Variants in SOS2 observed in about 807,000 individuals in gnomAD.
SOS2 encodes SOS Ras/Rho guanine nucleotide exchange factor 2.
In SOS2, 65 loss-of-function variants were observed where a neutral mutation model predicts 148.2. That is an observed-to-expected ratio of 0.44 (90% confidence interval 0.36 to 0.54). The LOEUF (loss-of-function observed/expected upper bound fraction) is 0.54. SOS2 is among the 20% of genes least tolerant of loss of function. SOS2 has a pLI of 0.00. For synonymous variants in SOS2, 539 were observed against 537.1 expected (o/e 1.00, Z -0.05); for missense variants, 1,341 against 1,590.2 (o/e 0.84, Z 2.67).
intron 4 of SOS2, among the ~76,000 whole-genome samples, chr14:50,197,410 C>T (rs952634450): frequency 6.6e-6 from 1 of 152,122 alleles, no homozygotes; most frequent in African/African-American, 2.4e-5. Context: ...TGCCTGTGTG[C>T]CATCTGAGAA....
At chr14:50,190,842 CTTTAAA>C (rs1886108194) in intron 4 of SOS2, among the ~76,000 whole-genome samples, 1 of 152,160 alleles carries the variant, frequency 6.6e-6, no homozygotes, top group African/African-American at 2.4e-5. Flanking sequence ...TTCCCAGCCA[CTTTAAA>C]TTTAAAGAAA....
chr14:50,159,366 G>A, intron 10 of SOS2, 65 bp downstream of exon 10: 4 of 1,025,510 alleles, frequency 3.9e-6, no homozygotes, highest in Non-Finnish European at 5.6e-6. Flanking sequence ...AAATATTTTT[G>A]AGCATCCTTA....
intron 8 of SOS2, among the ~76,000 whole-genome samples, chr14:50,162,314 T>C (rs1667930196): frequency 6.6e-6 from 1 of 151,918 alleles, no homozygotes; most frequent in Admixed American, 6.6e-5. Context: ...TTTTTTATTT[T>C]TATTTTTTGT....
chr14:50,229,326 A>G (rs1887467948), intron 1 of SOS2, among the ~76,000 whole-genome samples: 1 of 152,170 alleles, frequency 6.6e-6, no homozygotes, highest in Admixed American at 6.5e-5. Flanking sequence ...ACCTCAAAAG[A>G]CCAAATTTTC....
At chr14:50,125,951 TAAACATTCTTAGAG>T (rs1343345635) in intron 21 of SOS2, among the ~76,000 whole-genome samples, 1 of 152,226 alleles carries the variant, frequency 6.6e-6, no homozygotes, top group Non-Finnish European at 1.5e-5. Flanking sequence ...TTAGAGAAAC[TAAACATTCTTAGAG>T]AAAATGCCTA....
chr14:50,231,002 C>T, intron 1 of SOS2, 195 bp downstream of exon 1: 1 of 759,290 alleles, frequency 1.3e-6, no homozygotes, highest in Non-Finnish European at 1.7e-6. Flanking sequence ...ACCTTCCTTC[C>T]GGGACCAGGC....
chr14:50,193,297 C>T (rs545017114), intron 4 of SOS2, among the ~76,000 whole-genome samples: 61 of 152,220 alleles, frequency 4.0e-4, no homozygotes, highest in African/African-American at 1.4e-3. Context: ...CTGCCTCAAC[C>T]TCCAAAAGTG....
intron 1 of SOS2, 90 bp downstream of exon 1, chr14:50,231,107 C>A: frequency 1.3e-6 from 1 of 771,856 alleles, no homozygotes; most frequent in South Asian, 4.9e-5. Flanking sequence ...GCCCCGGGGA[C>A]TCGAGCCCTG....
intron 1 of SOS2, among the ~76,000 whole-genome samples, chr14:50,205,616 C>T (rs1886633778): frequency 6.6e-6 from 1 of 152,124 alleles, no homozygotes; most frequent in Admixed American, 6.6e-5. Flanking sequence ...CTAAGAGATC[C>T]ATGCCTGAAC....
At position 50,214,493 on chromosome 14, in the gene SOS2, A is replaced by T. The variant is rs544269509; in HGVS notation, c.88-10084T>A. Among the ~76,000 whole-genome samples the T allele has an allele frequency of 4.6e-5, 7 of 152,234 alleles. No homozygotes were observed. In the East Asian group the frequency reaches 9.7e-4, roughly 21 times the overall value. ...TTAGCCATACATTTCTAATAGATCA[A>T]TCGACTTTTAAAAGACATTTTTAAA... On this transcript the variant is annotated intron_variant, in intron 1 of 22. Transcript: ENST00000216373.
chr14:50,190,546 A>G (rs1886096666), intron 4 of SOS2, among the ~76,000 whole-genome samples: 2 of 152,320 alleles, frequency 1.3e-5, no homozygotes, highest in South Asian at 2.1e-4. Flanking sequence ...AACAATCACC[A>G]TCTCTTAAAA....
chr14:50,168,616 T>C (rs1885243994), intron 8 of SOS2, among the ~76,000 whole-genome samples: 1 of 152,246 alleles, frequency 6.6e-6, no homozygotes, highest in African/African-American at 2.4e-5. Context: ...TTATGTATTC[T>C]GGATAAGAAT....
chr14:50,149,892 C>A, intron 14 of SOS2, 116 bp downstream of exon 14: 1 of 745,114 alleles, frequency 1.3e-6, no homozygotes, highest in Non-Finnish European at 2.3e-6. Flanking sequence ...CCTCTAAGCC[C>A]ATGAGAGTAG....
intron 4 of SOS2, 49 bp from the exon 5 acceptor site, chr14:50,188,749 TA>T: frequency 7.8e-7 from 1 of 1,281,524 alleles, no homozygotes; most frequent in Non-Finnish European, 1.1e-6. Flanking sequence ...TTTACTTTTA[TA>T]AAAACTGCCT....
At position 50,145,571 on chromosome 14, in the gene SOS2, C is replaced by T; in HGVS notation, c.2410G>A (p.Gly804Arg). Reference protein sequence around the residue: ...YRKVQPSELVGSVWTKEDKEI... With the variant: ...YRKVQPSELVRSVWTKEDKEI... ...TTATCTTCTTTGGTCCACACACTCC[C>T]TACAAGTTCAGACGGTTGAACTTTC... The change falls in exon 15 of 23, where the codon GGG becomes AGG. Residue 804 changes from glycine to arginine, a missense_variant. Gly to Arg is a moderately radical substitution (Grantham distance 125, BLOSUM62 -2). This residue lies in a region of SOS2 where 408 missense variants were observed against 506.6 expected (regional missense o/e 0.81). Transcript: ENST00000216373. 6.2e-7 allele frequency: 1 copy of T among 1,606,012 alleles called. No individual in the cohort carries two copies. Among genetic ancestry groups the T allele is most frequent in the African/African-American group, 1.3e-5 (1 of 74,610 alleles).
At chr14:50,229,446 A>G (rs948250814) in intron 1 of SOS2, among the ~76,000 whole-genome samples, 2 of 151,996 alleles carry the variant, frequency 1.3e-5, no homozygotes, top group Non-Finnish European at 2.9e-5. Context: ...GCAAAGTAAT[A>G]GCACCAAAGC....
intron 2 of SOS2, 66 bp from the exon 3 acceptor site, chr14:50,201,150 A>C: frequency 7.0e-7 from 1 of 1,435,176 alleles, no homozygotes; most frequent in Admixed American, 1.8e-5. Flanking sequence ...AATTCATACA[A>C]AATTCAACTT....
intron 4 of SOS2, among the ~76,000 whole-genome samples, chr14:50,195,520 G>C (rs61982704): frequency 2.7e-4 from 41 of 152,258 alleles, no homozygotes; most frequent in Middle Eastern, 3.4e-3. Flanking sequence ...CCAGCATCTT[G>C]GGAGGTTGAG....
intron 4 of SOS2, among the ~76,000 whole-genome samples, chr14:50,190,737 T>C (rs958306613): frequency 4.8e-4 from 73 of 152,322 alleles, no homozygotes; most frequent in African/African-American, 1.6e-3. Flanking sequence ...CCCACCTTCC[T>C]AATCTCATGT....
Sources: allele counts gnomAD v4.1 joint callset (sites outside exome capture counted in the v4.1 genomes callset), GRCh38; gene constraint gnomAD v4.1.1; regional missense constraint gnomAD v4.1.1; transcripts MANE v1.5; gene names NCBI Gene and HGNC (gene_info 2026-07-23, HGNC 2026-07-21).